The following AP2A2 variants were observed in gnomAD, a reference collection of about 807,000 sequenced individuals.
AP2A2 encodes adaptor related protein complex 2 subunit alpha 2, also known as AP-2 complex subunit alpha-2.
AP2A2 carries 32 observed loss-of-function variants against 104.2 expected under a neutral mutation model. That is an observed-to-expected ratio of 0.31 (90% CI 0.23 to 0.41). The LOEUF (loss-of-function observed/expected upper bound fraction) is 0.41, where lower values mean the gene tolerates loss of function less well. Ranked by LOEUF, AP2A2 falls within the 10% of genes least tolerant of loss-of-function variation. The pLI is 1.00. For missense variants in AP2A2, 912 were observed against 1,261.0 expected (o/e 0.72, Z 4.19); for synonymous variants, 539 against 533.3 (o/e 1.01, Z -0.15).
In AP2A2 at chr11:994,170, G is replaced by A. The variant is rs761337597; in HGVS notation, c.1881G>A (p.Leu627=). Reference sequence around the variant, plus strand: ...AGGGCCCCAGCACGGTGACAGACCTGGAGGACACCAAGCGGGACAGGAGTG... The same window carrying A: ...AGGGCCCCAGCACGGTGACAGACCTAGAGGACACCAAGCGGGACAGGAGTG... ...KKKGPSTVTD[L]EDTKRDRSVD... is the part of the protein sequence containing the mutation. The change falls in exon 14 of 22, where the codon CTG becomes CTA. Residue 627 remains leucine, a synonymous_variant. Transcript: ENST00000448903. The A allele has an allele frequency of 3.7e-6, 6 of 1,612,984 alleles. No homozygotes were observed. The highest frequency in any genetic ancestry group is 2.7e-5 in the African/African-American group (2 of 74,932).
At chr11:939,804 C>T (rs1401849050) in intron 1 of AP2A2, among the ~76,000 whole-genome samples, 1 of 152,086 alleles carries the variant, frequency 6.6e-6, no homozygotes, top group Non-Finnish European at 1.5e-5. Context: ...AGTTTCTCTT[C>T]TCCTGTACTT....
At chr11:972,396 C>G in intron 4 of AP2A2, 141 bp downstream of exon 4, 1 of 1,063,204 alleles carries the variant, frequency 9.4e-7, no homozygotes, top group Non-Finnish European at 1.3e-6. Flanking sequence ...AAGGTGGGAT[C>G]CAGAATTACA....
Position 992,334 on chromosome 11 carries a change from T to C in AP2A2, c.1270-169T>C. On this transcript the variant is annotated intron_variant, in intron 10 of 21. Transcript: ENST00000448903. The surrounding 1 kb of genome is among the most constrained non-coding windows in gnomAD (Gnocchi z 6.4). ...TTAAGTCAGGGCATCTTAAACTTTCTGGGCTCGTGGGCTTTTTTGAGAATC... is the reference window on the plus strand; with the variant it reads ...TTAAGTCAGGGCATCTTAAACTTTCCGGGCTCGTGGGCTTTTTTGAGAATC... 4.3e-6 allele frequency: 3 copies of C among 697,944 alleles called. No individual in the cohort carries two copies. Among genetic ancestry groups the C allele is most frequent in the South Asian group, 3.6e-5 (2 of 55,830 alleles). The allele number at this position is 697,944 out of a possible 1,614,324, so 43.2% of individuals were successfully genotyped here. A position where few individuals can be genotyped will look rare whatever the true frequency, so the allele number is the denominator to read the frequency against.
At chr11:998,490 A>T (rs1358527451) in intron 14 of AP2A2, among the ~76,000 whole-genome samples, 2 of 152,162 alleles carry the variant, frequency 1.3e-5, no homozygotes, top group African/African-American at 4.8e-5. Context: ...TTAATGTAAA[A>T]TGGCATTCAG....
intron 2 of AP2A2, among the ~76,000 whole-genome samples, chr11:960,230 G>A (rs1213922447): frequency 6.8e-6 from 1 of 147,544 alleles, no homozygotes; most frequent in Non-Finnish European, 1.5e-5. Flanking sequence ...TGGATATCCA[G>A]TAGTTTCTTT....
intron 1 of AP2A2, among the ~76,000 whole-genome samples, chr11:950,202 C>G (rs1328631928): frequency 1.3e-5 from 2 of 151,842 alleles, no homozygotes; most frequent in Admixed American, 1.3e-4. Flanking sequence ...TCCTACCTTA[C>G]ACTATGCACA....
rs758992717 is a variant in AP2A2 at position 949,756 on chromosome 11, CAGAG to C, written c.68-9675_68-9672del. Among the ~76,000 whole-genome samples, 115 of 103,784 alleles carry C rather than the reference CAGAG, an allele frequency of 1.1e-3. 2 individuals carry two copies. The Middle Eastern group carries it at 0.018, about 16-fold the overall frequency. The allele number at this position is 103,784 out of a possible 152,430, so 68.1% of individuals were successfully genotyped here. A position where few individuals can be genotyped will look rare whatever the true frequency, so the allele number is the denominator to read the frequency against. On this transcript the variant is annotated intron_variant, in intron 1 of 21. Transcript: ENST00000448903. ...CGCCACTGCACTCCAGCCTGGGTGA[CAGAG>C]AGAGACTCTGTCTCAAAAAAGAAAA...
intron 3 of AP2A2, among the ~76,000 whole-genome samples, chr11:971,180 G>T (rs1355277123): frequency 6.6e-6 from 1 of 152,152 alleles, no homozygotes; most frequent in Non-Finnish European, 1.5e-5. Context: ...ACTTGGGCCT[G>T]CCCTTGTCCT....
chr11:1,010,395 A>G, intron 21 of AP2A2, 153 bp from the exon 22 acceptor site: 1 of 622,656 alleles, frequency 1.6e-6, no homozygotes. Context: ...TCATGCTGAC[A>G]GTGTGTGTGG....
At chr11:957,755 C>A (rs528198147) in intron 1 of AP2A2, among the ~76,000 whole-genome samples, 1 of 152,268 alleles carries the variant, frequency 6.6e-6, no homozygotes, top group Admixed American at 6.5e-5. Context: ...GACCTGCTCC[C>A]TGTATCGTAA....
intron 5 of AP2A2, among the ~76,000 whole-genome samples, chr11:979,178 C>T (rs756504265): frequency 6.6e-5 from 10 of 150,854 alleles, no homozygotes; most frequent in Non-Finnish European, 1.2e-4. Context: ...AGGGGGAGGA[C>T]GTCCTAAATG....
intron 10 of AP2A2, among the ~76,000 whole-genome samples, chr11:991,017 CT>C (rs1253065511): frequency 1.3e-4 from 20 of 150,396 alleles, no homozygotes; most frequent in African/African-American, 4.7e-4. Flanking sequence ...TGGTGCTCCC[CT>C]CCATCCTTTC....
chr11:980,720 G>C (rs903893683), intron 5 of AP2A2, among the ~76,000 whole-genome samples: 1 of 152,274 alleles, frequency 6.6e-6, no homozygotes, highest in African/African-American at 2.4e-5. Flanking sequence ...TTCCAAAAAG[G>C]AGAATGGAAA....
chr11:979,032 T>G, intron 5 of AP2A2, among the ~76,000 whole-genome samples: 1 of 150,508 alleles, frequency 6.6e-6, no homozygotes, highest in Non-Finnish European at 1.5e-5. Context: ...GGAGAAGGGT[T>G]GGGGGGCTGG....
At chr11:1,001,778 G>A (rs1023516326) in intron 15 of AP2A2, among the ~76,000 whole-genome samples, 11 of 152,154 alleles carry the variant, frequency 7.2e-5, no homozygotes, top group Admixed American at 7.2e-4. Flanking sequence ...CCTGCTGGGC[G>A]CTGCCTGCCC....
chr11:970,383 T>G, intron 3 of AP2A2, 72 bp downstream of exon 3: 1 of 1,558,288 alleles, frequency 6.4e-7, no homozygotes, highest in Non-Finnish European at 8.7e-7. Flanking sequence ...GGTGCCCGTG[T>G]AGGGCCGCTG....
At chr11:943,786 C>T (rs1023402569) in intron 1 of AP2A2, among the ~76,000 whole-genome samples, 15 of 140,634 alleles carry the variant, frequency 1.1e-4, no homozygotes, top group Non-Finnish European at 1.8e-4. Flanking sequence ...AAGAGAGTCC[C>T]GACCGGAGAC....
chr11:964,439 G>A (rs1035513402), intron 2 of AP2A2, among the ~76,000 whole-genome samples: 3 of 152,228 alleles, frequency 2.0e-5, no homozygotes, highest in Admixed American at 6.5e-5. Context: ...TCTGGGGTGG[G>A]CAGGATCTGG....
chr11:934,154 GGAAACTCCAGGTC>G (rs1297247988), intron 1 of AP2A2, among the ~76,000 whole-genome samples: 41 of 152,032 alleles, frequency 2.7e-4, no homozygotes, highest in South Asian at 4.1e-4. Flanking sequence ...CGATACCTCA[GGAAACTCCAGGTC>G]GAAACTCCAG....
Sources: allele counts gnomAD v4.1 joint callset (sites outside exome capture counted in the v4.1 genomes callset), GRCh38; gene constraint gnomAD v4.1.1; non-coding constraint Gnocchi (gnomAD v3.1); transcripts MANE v1.5; gene names NCBI Gene and HGNC (gene_info 2026-07-23, HGNC 2026-07-21).